The following SH3GL2 variants were observed in gnomAD, a reference collection of about 807,000 sequenced individuals.
SH3GL2 encodes the protein SH3 domain containing GRB2 like 2, endophilin A1, also known as endophilin-A1.
Under a neutral mutation model 46.0 loss-of-function variants are expected in SH3GL2, and 24 were observed. The ratio of observed to expected loss-of-function variants is 0.52; its 90% CI spans 0.38 to 0.73. The LOEUF (loss-of-function observed/expected upper bound fraction) is 0.73. Among genes scored for constraint, SH3GL2 ranks in the 30% least tolerant of loss-of-function variants. The probability of loss-of-function intolerance (pLI) is 0.00; values close to 1 mark genes in which losing one functional copy is unlikely to be tolerated. For missense variants in SH3GL2, 413 were observed against 424.2 expected (o/e 0.97, Z 0.23); for synonymous variants, 196 against 147.1 (o/e 1.33, Z -2.40).
intron 2 of SH3GL2, among the ~76,000 whole-genome samples, chr9:17,756,037 C>A (rs1158104150): frequency 6.6e-6 from 1 of 151,932 alleles, no homozygotes; most frequent in African/African-American, 2.4e-5. Context: ...GTTTTTGGGG[C>A]CAGAGGGTCT....
intron 1 of SH3GL2, among the ~76,000 whole-genome samples, chr9:17,606,286 T>G (rs1818760257): frequency 6.6e-6 from 1 of 151,924 alleles, no homozygotes; most frequent in Non-Finnish European, 1.5e-5. Flanking sequence ...AGAGACGAGG[T>G]TTCACCATCT....
intron 1 of SH3GL2, among the ~76,000 whole-genome samples, chr9:17,599,406 GGGTACA>G (rs1460786461): frequency 4.6e-5 from 7 of 152,220 alleles, no homozygotes; most frequent in African/African-American, 1.7e-4. Flanking sequence ...GCCTTGGCAA[GGGTACA>G]GTGCCAAATG....
intron 1 of SH3GL2, among the ~76,000 whole-genome samples, chr9:17,610,639 G>C (rs781598516): frequency 6.6e-6 from 1 of 152,028 alleles, no homozygotes; most frequent in Non-Finnish European, 1.5e-5. Context: ...GAATAGTGTT[G>C]AATTTTTTTC....
rs71333008 is a variant in SH3GL2, at chr9:17,774,551, G to GTT, written c.188-11820_188-11819dup. The stretch of plus-strand genomic sequence containing the variant: ...ATCAATTGAGATGATCGTGTGTGTG[G>GTT]TTTTTTTTTTTACTCTATTTTGTTA... On this transcript the variant is annotated intron_variant, in intron 3 of 8. Transcript: ENST00000380607. Among the ~76,000 whole-genome samples, 13 of 147,620 alleles carry GTT rather than the reference G, an allele frequency of 8.8e-5. 1 individual carries two copies. Among genetic ancestry groups the GTT allele is most frequent in the East Asian group, 4.0e-4 (2 of 5,030 alleles).
intron 1 of SH3GL2, among the ~76,000 whole-genome samples, chr9:17,609,083 C>G (rs932397109): frequency 7.9e-5 from 12 of 152,156 alleles, no homozygotes; most frequent in African/African-American, 2.4e-4. Context: ...CCTGGCTCTG[C>G]TTTGTCCAGC....
At chr9:17,795,373 G>A (rs1824245883) in intron 8 of SH3GL2, among the ~76,000 whole-genome samples, 171 bp from the exon 9 acceptor site, 1 of 152,242 alleles carries the variant, frequency 6.6e-6, no homozygotes, top group Non-Finnish European at 1.5e-5. Flanking sequence ...AAGATGCCCA[G>A]TGCAGTGGAC....
At chr9:17,737,203 G>T (rs1309926462) in intron 1 of SH3GL2, among the ~76,000 whole-genome samples, 1 of 151,952 alleles carries the variant, frequency 6.6e-6, no homozygotes, top group African/African-American at 2.4e-5. Flanking sequence ...CGCCTGTCAG[G>T]GGGTGGGGGG....
chr9:17,794,011 T>C (rs4141716), intron 8 of SH3GL2, among the ~76,000 whole-genome samples: 1 of 152,146 alleles, frequency 6.6e-6, no homozygotes, highest in Non-Finnish European at 1.5e-5. Context: ...TTGTAGAAGA[T>C]GATATTTTGA....
intron 1 of SH3GL2, among the ~76,000 whole-genome samples, chr9:17,711,451 T>G (rs1322107685): frequency 6.6e-6 from 1 of 151,862 alleles, no homozygotes; most frequent in Non-Finnish European, 1.5e-5. Context: ...CAGAACCCAA[T>G]GCTTTCTCAA....
intron 1 of SH3GL2, among the ~76,000 whole-genome samples, chr9:17,641,410 G>C (rs1288507279): frequency 6.6e-6 from 1 of 152,090 alleles, no homozygotes; most frequent in African/African-American, 2.4e-5. Context: ...ATTTGTCCAT[G>C]CTAAAACATG....
At chr9:17,632,138 A>T (rs186578203) in intron 1 of SH3GL2, among the ~76,000 whole-genome samples, 1 of 152,304 alleles carries the variant, frequency 6.6e-6, no homozygotes, top group African/African-American at 2.4e-5. Flanking sequence ...TAATTAGTGA[A>T]TGCCATTTGC....
chr9:17,769,421 G>C (rs781055443), intron 3 of SH3GL2, among the ~76,000 whole-genome samples: 1 of 152,094 alleles, frequency 6.6e-6, no homozygotes, highest in Non-Finnish European at 1.5e-5. Flanking sequence ...ATAGCAGCCA[G>C]TTCCATCCAT....
At chr9:17,626,508 A>AT (rs1312137180) in intron 1 of SH3GL2, among the ~76,000 whole-genome samples, 1 of 152,126 alleles carries the variant, frequency 6.6e-6, no homozygotes, top group Non-Finnish European at 1.5e-5. Flanking sequence ...ATGCTCATGG[A>AT]TTTTTAAAAT....
intron 1 of SH3GL2, among the ~76,000 whole-genome samples, chr9:17,613,089 C>T (rs941061680): frequency 4.6e-5 from 7 of 152,146 alleles, no homozygotes; most frequent in Non-Finnish European, 8.8e-5. Context: ...TTATCCTAAG[C>T]TTTGATGACC....
chr9:17,673,253 A>T (rs185983572), intron 1 of SH3GL2, among the ~76,000 whole-genome samples: 1 of 151,204 alleles, frequency 6.6e-6, no homozygotes, highest in Admixed American at 6.6e-5. Flanking sequence ...GGCTCAAGCA[A>T]TCCTCCCACT....
At chr9:17,686,263 G>A in intron 1 of SH3GL2, among the ~76,000 whole-genome samples, 2 of 130,080 alleles carry the variant, frequency 1.5e-5, no homozygotes, top group South Asian at 2.9e-4. Context: ...CAGTTAGAAT[G>A]GCGATCATTA....
chr9:17,592,603 A>T (rs1818504562), intron 1 of SH3GL2, among the ~76,000 whole-genome samples: 1 of 152,324 alleles, frequency 6.6e-6, no homozygotes, highest in South Asian at 2.1e-4. Context: ...TATTCTAACA[A>T]TACCCTGAGA....
intron 1 of SH3GL2, among the ~76,000 whole-genome samples, chr9:17,678,814 T>C (rs1200424876): frequency 6.6e-6 from 1 of 152,144 alleles, no homozygotes; most frequent in Non-Finnish European, 1.5e-5. Flanking sequence ...TTGTATAAGG[T>C]GTAAGGAAGG....
chr9:17,642,756 C>T (rs920226432), intron 1 of SH3GL2, among the ~76,000 whole-genome samples: 1 of 152,060 alleles, frequency 6.6e-6, no homozygotes, highest in Non-Finnish European at 1.5e-5. Context: ...GTTACTGTAG[C>T]CTTGTATAGT....
Sources: gnomAD v4.1 joint callset for allele counts (sites outside exome capture counted in the v4.1 genomes callset) on GRCh38, gnomAD v4.1.1 for gene constraint, MANE v1.5 for transcripts, NCBI Gene and HGNC (gene_info 2026-07-23, HGNC 2026-07-21) for gene names.